NUP85: variants seen among roughly 807,000 people sequenced by gnomAD.
NUP85 encodes the protein nucleoporin 85.
Under a neutral mutation model 92.8 loss-of-function variants are expected in NUP85, and 23 were observed. That is an observed-to-expected ratio of 0.25 (90% CI 0.18 to 0.35). The LOEUF (loss-of-function observed/expected upper bound fraction) is 0.35. Among genes scored for constraint, NUP85 ranks in the 10% least tolerant of loss-of-function variants. The probability of loss-of-function intolerance (pLI) is 1.00; values close to 1 mark genes in which losing one functional copy is unlikely to be tolerated. For missense variants in NUP85, 759 were observed against 822.8 expected (o/e 0.92, Z 0.95); for synonymous variants, 314 against 306.9 (o/e 1.02, Z -0.24).
chr17:75,233,428 TTA>T (rs1477192034), intron 16 of NUP85, among the ~76,000 whole-genome samples: 5 of 38,772 alleles, frequency 1.3e-4, no homozygotes, highest in Non-Finnish European at 2.1e-4. Context: ...TTCTTTTCTT[TTA>T]TTTTTTCTTT....
intron 7 of NUP85, among the ~76,000 whole-genome samples, chr17:75,224,178 T>A (rs2145342135): frequency 6.6e-6 from 1 of 152,228 alleles, no homozygotes. Flanking sequence ...CCCAAGTAGC[T>A]GGGACTACAG....
intron 11 of NUP85, among the ~76,000 whole-genome samples, chr17:75,230,294 C>T (rs4789153): frequency 2.0e-5 from 3 of 151,684 alleles, no homozygotes; most frequent in Admixed American, 6.6e-5. Context: ...CCACCCGCCT[C>T]GGCCTTTCAG....
intron 16 of NUP85, 135 bp from the exon 17 acceptor site, chr17:75,234,502 A>G (rs758958381): frequency 4.3e-5 from 35 of 823,038 alleles, no homozygotes; most frequent in Non-Finnish European, 5.9e-5. Flanking sequence ...GGAGACAGAA[A>G]AAAATCTCCT....
intron 11 of NUP85, among the ~76,000 whole-genome samples, chr17:75,227,634 C>T (rs1337772724): frequency 1.3e-5 from 2 of 151,130 alleles, no homozygotes; most frequent in Non-Finnish European, 2.9e-5. Context: ...AGCCACCGCG[C>T]CCTGCCAAGT....
chr17:75,210,803 G>A (rs2075233602), intron 3 of NUP85, among the ~76,000 whole-genome samples: 2 of 151,904 alleles, frequency 1.3e-5, no homozygotes, highest in Admixed American at 6.6e-5. Context: ...CTGGATTCAC[G>A]CCATTCTCCT....
chr17:75,214,245 C>T (rs970326369), intron 5 of NUP85, among the ~76,000 whole-genome samples: 16 of 152,232 alleles, frequency 1.1e-4, no homozygotes, highest in African/African-American at 3.4e-4. Flanking sequence ...ATATTAGATA[C>T]TTTTCAAAGT....
At chr17:75,233,609 A>T (rs1246524350) in intron 16 of NUP85, among the ~76,000 whole-genome samples, 13 of 143,592 alleles carry the variant, frequency 9.1e-5, no homozygotes, top group Admixed American at 1.4e-4. Context: ...TTATTTATTT[A>T]TTTTTTGGGG....
rs73998417 is a variant in NUP85, at chr17:75,235,517, T to G, written c.1870-61T>G. ...TCTACCTTTGGATTAGCTAGACCCT[T>G]CGGGAGTGTGAAAGGGCTCCTTCCT... On this transcript the variant is annotated intron_variant, in intron 18 of 18. Coordinates refer to ENST00000245544, the MANE Select transcript of NUP85 (RefSeq NM_024844.5). The G allele has an allele frequency of 9.4e-4, 1,135 of 1,212,530 alleles. 9 individuals carry two copies. The African/African-American group carries it at 0.013, about 14-fold the overall frequency. 75.1% of individuals were successfully genotyped at this position (1,212,530 alleles called of 1,614,324 possible).
intron 6 of NUP85, among the ~76,000 whole-genome samples, 174 bp from the exon 7 acceptor site, chr17:75,218,010 TG>T (rs1225503154): frequency 6.6e-6 from 1 of 152,190 alleles, no homozygotes; most frequent in African/African-American, 2.4e-5. Context: ...TTGGTGAAAG[TG>T]CATTTGCTTT....
intron 14 of NUP85, 80 bp from the exon 15 acceptor site, chr17:75,232,771 C>A: frequency 1.6e-6 from 2 of 1,262,646 alleles, no homozygotes; most frequent in Non-Finnish European, 1.2e-6. Flanking sequence ...GGCTGTGAGG[C>A]CACTCCGGTC....
At chr17:75,234,909 C>T (rs755461892) in intron 17 of NUP85, 121 bp downstream of exon 17, 87 of 1,243,396 alleles carry the variant, frequency 7.0e-5, no homozygotes, top group Non-Finnish European at 1.0e-4. Flanking sequence ...CGTGTATTCC[C>T]CTTAGCGCCC....
intron 17 of NUP85, 122 bp from the exon 18 acceptor site, chr17:75,234,978 T>C: frequency 9.7e-7 from 1 of 1,034,960 alleles, no homozygotes; most frequent in South Asian, 1.3e-5. Context: ...AATGAGGTAT[T>C]CGTATACAAA....
In NUP85 at chr17:75,220,258, G is replaced by A. The variant is rs530362050; in HGVS notation, c.597+1952G>A. On this transcript the variant is annotated intron_variant, in intron 7 of 18. Transcript: ENST00000245544. ...TTCTGCCTCAGCCTCCTGAGTAGCT[G>A]GGACTACAGGCGCGCGTCACCATGC... is the stretch of plus-strand genomic sequence containing the variant. Among the ~76,000 whole-genome samples, 264 of 147,146 alleles carry A rather than the reference G, an allele frequency of 1.8e-3. 2 individuals carry two copies. The highest frequency in any genetic ancestry group is 3.2e-3 in the Non-Finnish European group (209 of 65,270).
intron 18 of NUP85, 101 bp downstream of exon 18, chr17:75,235,302 C>T (rs189963626): frequency 1.9e-4 from 153 of 789,260 alleles, no homozygotes; most frequent in Non-Finnish European, 2.9e-4. Context: ...CTCCTATGGA[C>T]ACATGTGCCT....
intron 5 of NUP85, among the ~76,000 whole-genome samples, chr17:75,214,009 T>G (rs1383152289): frequency 2.6e-5 from 4 of 151,526 alleles, no homozygotes; most frequent in Non-Finnish European, 5.9e-5. Flanking sequence ...GTAGCTGGGC[T>G]AATTTTTTGT....
At position 75,215,576 on chromosome 17, in the gene NUP85, A is replaced by G. The variant is rs149630149; in HGVS notation, c.406-178A>G. ...CTAAAACAAAATAGTGTTGGTCTCC[A>G]TCCCACCACCTAACATCCTCACGCT... On this transcript the variant is annotated intron_variant, in intron 5 of 18. Coordinates refer to ENST00000245544, the MANE Select transcript of NUP85 (RefSeq NM_024844.5). 1.6e-3 allele frequency among the ~76,000 whole-genome samples: 248 copies of G among 152,358 alleles called. 1 individual carries two copies. Among genetic ancestry groups the G allele is most frequent in the African/African-American group, 5.7e-3 (237 of 41,586 alleles).
intron 18 of NUP85, 147 bp downstream of exon 18, chr17:75,235,348 T>A: frequency 1.6e-6 from 1 of 628,800 alleles, no homozygotes; most frequent in Non-Finnish European, 2.8e-6. Context: ...ACACACCACC[T>A]TCTTTTAGGA....
intron 5 of NUP85, among the ~76,000 whole-genome samples, chr17:75,214,392 C>T (rs1430311696): frequency 2.6e-5 from 4 of 152,126 alleles, no homozygotes; most frequent in East Asian, 1.9e-4. Context: ...TGATTTATTT[C>T]GGGGTCTTAT....
rs1046356074 is a variant in NUP85, at chr17:75,213,403, G to A, written c.405+284G>A. Among the ~76,000 whole-genome samples the A allele has an allele frequency of 8.0e-5, 12 of 150,544 alleles. No homozygotes were observed. In the Admixed American group the frequency reaches 8.0e-4, roughly 10 times the overall value. On this transcript the variant is annotated intron_variant, in intron 5 of 18. Coordinates refer to ENST00000245544, the MANE Select transcript of NUP85 (RefSeq NM_024844.5). Reference sequence around the variant, plus strand: ...TGCCCTGGGTTCAAGCATTTCTCCTGTCTCAGCCTCCCGAGTAGCTGGGAT... The same window carrying A: ...TGCCCTGGGTTCAAGCATTTCTCCTATCTCAGCCTCCCGAGTAGCTGGGAT...
Sources: allele counts gnomAD v4.1 joint callset (sites outside exome capture counted in the v4.1 genomes callset), GRCh38; gene constraint gnomAD v4.1.1; transcripts MANE v1.5; gene names NCBI Gene and HGNC (gene_info 2026-07-23, HGNC 2026-07-21).